Variants in GRIK1 observed in about 807,000 individuals in gnomAD.
The protein encoded by GRIK1 is glutamate ionotropic receptor kainate type subunit 1, also known as glutamate receptor ionotropic, kainate 1.
Under a neutral mutation model 105.7 loss-of-function variants are expected in GRIK1, and 69 were observed. The ratio of observed to expected loss-of-function variants is 0.65; its 90% CI spans 0.54 to 0.80. GRIK1 has a LOEUF of 0.80. Among genes scored for constraint, GRIK1 ranks in the 30% least tolerant of loss-of-function variants. GRIK1 has a pLI of 0.00. For synonymous variants in GRIK1, 438 were observed against 431.3 expected (o/e 1.02, Z -0.19); for missense variants, 1,109 against 1,167.3 (o/e 0.95, Z 0.73).
chr21:29,559,252 A>G (rs1225224314), intron 15 of GRIK1, among the ~76,000 whole-genome samples: 1 of 152,194 alleles, frequency 6.6e-6, no homozygotes, highest in Non-Finnish European at 1.5e-5. Flanking sequence ...ATCAGCAGTG[A>G]TGAGATATAA....
At chr21:29,573,926 T>C (rs562640717) in intron 14 of GRIK1, among the ~76,000 whole-genome samples, 19 of 152,078 alleles carry the variant, frequency 1.2e-4, no homozygotes, top group Admixed American at 2.6e-4. Flanking sequence ...AGCATCTCTA[T>C]TCTGAAAAAT....
intron 8 of GRIK1, among the ~76,000 whole-genome samples, chr21:29,597,211 G>A (rs1464374342): frequency 6.6e-6 from 1 of 152,162 alleles, no homozygotes; most frequent in Non-Finnish European, 1.5e-5. Context: ...GCCTTCTCAG[G>A]AATTGAGCCC....
intron 1 of GRIK1, among the ~76,000 whole-genome samples, chr21:29,842,967 T>G (rs1021548416): frequency 6.6e-6 from 1 of 152,224 alleles, no homozygotes. Context: ...TATTTGAGTA[T>G]GTTTCCTATT....
At chr21:29,644,245 C>G (rs1019420060) in intron 6 of GRIK1, among the ~76,000 whole-genome samples, 2 of 152,080 alleles carry the variant, frequency 1.3e-5, no homozygotes, top group African/African-American at 4.8e-5. Context: ...CATTATTATT[C>G]TGTTCAATCT....
Position 29,596,739 on chromosome 21 carries a change from A to T in GRIK1, c.1207-169T>A, listed in dbSNP as rs141571579. ...AAGCCTGACAATAGGTACAGCAAAG[A>T]GACGAATCAAGACTTGGGTCTCACA... On this transcript the variant is annotated intron_variant, in intron 8 of 17. Transcript: ENST00000327783. 802 of 618,378 alleles carry T rather than the reference A, an allele frequency of 1.3e-3. 4 individuals carry two copies. In the African/African-American group the frequency reaches 0.013, roughly 10 times the overall value. The allele number at this position is 618,378 out of a possible 1,614,324, so 38.3% of individuals were successfully genotyped here.
chr21:29,669,149 T>G (rs2063117422), intron 4 of GRIK1, among the ~76,000 whole-genome samples: 1 of 152,218 alleles, frequency 6.6e-6, no homozygotes, highest in South Asian at 2.1e-4. Flanking sequence ...TAGTACTTGT[T>G]CAATATGAAT....
Position 29,726,260 on chromosome 21 carries a change from C to T in GRIK1, c.119-32197G>A, listed in dbSNP as rs75278477. ...AAGGCCAGAATATTTAACTCTTTGT[C>T]AGCATTCTTGATGTATTTTTAGGGT... is the stretch of plus-strand genomic sequence containing the variant. On this transcript the variant is annotated intron_variant, in intron 1 of 17. Coordinates refer to ENST00000327783, the MANE Select transcript of GRIK1 (RefSeq NM_001330994.2). 3.3e-3 allele frequency among the ~76,000 whole-genome samples: 497 copies of T among 152,264 alleles called. 2 individuals are homozygous for T. Among genetic ancestry groups the T allele is most frequent in the Admixed American group, 5.0e-3 (77 of 15,292 alleles).
chr21:29,666,815 G>T (rs2063067674), intron 4 of GRIK1, among the ~76,000 whole-genome samples: 1 of 152,202 alleles, frequency 6.6e-6, no homozygotes, highest in Non-Finnish European at 1.5e-5. Context: ...GCAATAAGAC[G>T]AGAATCAGTT....
chr21:29,806,283 T>C (rs547772944), intron 1 of GRIK1, among the ~76,000 whole-genome samples: 5 of 152,236 alleles, frequency 3.3e-5, no homozygotes, highest in African/African-American at 1.2e-4. Context: ...AATTGGGTGA[T>C]CCATCCAGGT....
chr21:29,708,239 T>G (rs566489212), intron 1 of GRIK1, among the ~76,000 whole-genome samples: 25 of 152,352 alleles, frequency 1.6e-4, no homozygotes, highest in African/African-American at 5.8e-4. Flanking sequence ...AGTTTAATTT[T>G]AAAACTTATT....
At chr21:29,644,568 A>G (rs954497818) in intron 6 of GRIK1, among the ~76,000 whole-genome samples, 17 of 152,232 alleles carry the variant, frequency 1.1e-4, no homozygotes, top group African/African-American at 3.9e-4. Flanking sequence ...GCAGTAATTT[A>G]TAATGCTTAA....
intron 15 of GRIK1, among the ~76,000 whole-genome samples, chr21:29,556,575 G>A (rs565675212): frequency 1.3e-5 from 2 of 152,274 alleles, no homozygotes; most frequent in African/African-American, 4.8e-5. Flanking sequence ...TCTTCTGAGG[G>A]GGAGTAACTA....
Position 29,561,809 on chromosome 21 carries a change from A to T in GRIK1, c.2171T>A (p.Met724Lys), listed in dbSNP as rs750903526. Reference protein sequence around the residue: ...ISTYEKMWAFMSSRQQTALVR... With the variant: ...ISTYEKMWAFKSSRQQTALVR... ...CAGGGCGGTCTGCTGCCTGCTGCTC[A>T]TGAAAGCCCACATCTTCTCATAGGT... Residue 724 changes from methionine to lysine, a missense_variant, in exon 15 of 18, where the codon ATG (methionine) becomes AAG (lysine). Around this residue, in one of 5 missense-constraint regions of GRIK1, gnomAD observed 264 missense variants for 306.9 expected, o/e 0.86. Transcript: ENST00000327783. 6.2e-7 allele frequency: 1 copy of T among 1,613,874 alleles called. No individual in the cohort carries two copies. Among genetic ancestry groups the T allele is most frequent in the Admixed American group, 1.7e-5 (1 of 60,002 alleles).
At chr21:29,741,993 G>C (rs1054169877) in intron 1 of GRIK1, among the ~76,000 whole-genome samples, 1 of 152,114 alleles carries the variant, frequency 6.6e-6, no homozygotes, top group African/African-American at 2.4e-5. Flanking sequence ...TCATGGAGAA[G>C]GTACAATGGC....
intron 1 of GRIK1, among the ~76,000 whole-genome samples, chr21:29,734,179 C>T (rs189022005): frequency 6.6e-6 from 1 of 152,028 alleles, no homozygotes; most frequent in East Asian, 1.9e-4. Flanking sequence ...AAATGCCCCA[C>T]TTCCAAGCAC....
intron 15 of GRIK1, among the ~76,000 whole-genome samples, chr21:29,556,970 T>A (rs2090273188): frequency 6.6e-6 from 1 of 152,176 alleles, no homozygotes. Context: ...CCTACAAAAT[T>A]CAGGTAGGTT....
At chr21:29,711,043 T>G (rs899657151) in intron 1 of GRIK1, among the ~76,000 whole-genome samples, 2 of 152,130 alleles carry the variant, frequency 1.3e-5, no homozygotes, top group Admixed American at 1.3e-4. Context: ...TATTTAATAT[T>G]TCTTGATATA....
chr21:29,878,129 T>C (rs2069257720), intron 1 of GRIK1, among the ~76,000 whole-genome samples: 1 of 151,948 alleles, frequency 6.6e-6, no homozygotes, highest in African/African-American at 2.4e-5. Flanking sequence ...GCGGAGAGAT[T>C]AGAAAGTACA....
chr21:29,537,617 G>T, intron 17 of GRIK1, 181 bp downstream of exon 17: 2 of 688,966 alleles, frequency 2.9e-6, no homozygotes, highest in South Asian at 3.5e-5. Context: ...ATTCACAAAT[G>T]CAGTAGTATA....
Sources: allele counts gnomAD v4.1 joint callset (sites outside exome capture counted in the v4.1 genomes callset), GRCh38; gene constraint gnomAD v4.1.1; regional missense constraint gnomAD v4.1.1; transcripts MANE v1.5; gene names NCBI Gene and HGNC (gene_info 2026-07-23, HGNC 2026-07-21).